Variants in MAGI2 observed in about 807,000 individuals in gnomAD.
The protein encoded by MAGI2 is membrane associated guanylate kinase, WW and PDZ domain containing 2.
MAGI2 carries 35 observed loss-of-function variants against 133.3 expected under a neutral mutation model. The ratio of observed to expected loss-of-function variants is 0.26; its 90% confidence interval spans 0.20 to 0.35. MAGI2 has a LOEUF of 0.35. MAGI2 is among the 10% of genes least tolerant of loss of function. The pLI is 1.00. For synonymous variants in MAGI2, 729 were observed against 710.6 expected (o/e 1.03, Z -0.41); for missense variants, 1,636 against 1,863.4 (o/e 0.88, Z 2.25).
chr7:78,056,539 C>A (rs1249929969), intron 21 of MAGI2, among the ~76,000 whole-genome samples: 3 of 152,230 alleles, frequency 2.0e-5, no homozygotes, highest in East Asian at 1.9e-4. Flanking sequence ...GAGCTGGGAG[C>A]CATTATCCTC....
chr7:79,300,234 A>G lies in MAGI2; in HGVS notation c.301+152786T>C, dbSNP rs1315759968. On this transcript the variant is annotated intron_variant, in intron 1 of 21. Coordinates refer to ENST00000354212, the MANE Select transcript of MAGI2 (RefSeq NM_012301.4). ...TCAGAGGAAGACAAGATGATGAGAGAAAGTTTGATATTTCTTGGAAACTGG... is the reference window on the plus strand; with the variant it reads ...TCAGAGGAAGACAAGATGATGAGAGGAAGTTTGATATTTCTTGGAAACTGG... 2.6e-5 allele frequency among the ~76,000 whole-genome samples: 4 copies of G among 152,170 alleles called. No homozygotes were observed. In the East Asian group the frequency reaches 7.7e-4, roughly 29 times the overall value.
intron 2 of MAGI2, among the ~76,000 whole-genome samples, chr7:78,874,301 A>G (rs1795253451): frequency 6.6e-6 from 1 of 152,106 alleles, no homozygotes; most frequent in African/African-American, 2.4e-5. Context: ...TATTAAGACA[A>G]CAATAATTTA....
intron 9 of MAGI2, among the ~76,000 whole-genome samples, chr7:78,321,375 C>T (rs1412721697): frequency 1.3e-5 from 2 of 152,130 alleles, no homozygotes; most frequent in Non-Finnish European, 2.9e-5. Context: ...AACTATACTA[C>T]GAGGCTACAG....
chr7:78,173,680 GC>G (rs745879527), intron 14 of MAGI2, among the ~76,000 whole-genome samples: 6 of 152,088 alleles, frequency 3.9e-5, no homozygotes, highest in African/African-American at 7.2e-5. Context: ...TAATTATCTG[GC>G]CCTGGTTGAA....
chr7:78,475,217 A>G (rs915258258), intron 6 of MAGI2, among the ~76,000 whole-genome samples: 2 of 152,046 alleles, frequency 1.3e-5, no homozygotes, highest in African/African-American at 4.8e-5. Context: ...AAAGGAAACA[A>G]TAGCAACAGC....
At chr7:78,389,047 A>G (rs577439162) in intron 6 of MAGI2, among the ~76,000 whole-genome samples, 2 of 152,300 alleles carry the variant, frequency 1.3e-5, no homozygotes, top group Admixed American at 6.5e-5. Context: ...GAAAGATAAA[A>G]TCTGTGTTTT....
At chr7:78,471,245 T>C (rs930531066) in intron 6 of MAGI2, among the ~76,000 whole-genome samples, 2 of 152,116 alleles carry the variant, frequency 1.3e-5, no homozygotes, top group Non-Finnish European at 2.9e-5. Context: ...ACAATTAAAG[T>C]GGAGTGAGAC....
At chr7:79,358,442 C>T (rs1842166454) in intron 1 of MAGI2, among the ~76,000 whole-genome samples, 1 of 152,002 alleles carries the variant, frequency 6.6e-6, no homozygotes, top group Non-Finnish European at 1.5e-5. Flanking sequence ...AGCAAGAGTA[C>T]TATACCTCTC....
At chr7:79,394,188 G>A (rs2364913) in intron 1 of MAGI2, among the ~76,000 whole-genome samples, 36,138 of 151,992 alleles carry the variant, frequency 0.24, 5,424 homozygotes, top group African/African-American at 0.41. Flanking sequence ...GACTCTAGAC[G>A]TTGATTCTGA....
At chr7:79,407,529 TTG>T (rs758211556) in intron 1 of MAGI2, among the ~76,000 whole-genome samples, 37 of 152,162 alleles carry the variant, frequency 2.4e-4, no homozygotes, top group Non-Finnish European at 4.1e-4. Flanking sequence ...TGGTGCACTG[TTG>T]TGAATGTAGG....
chr7:79,311,431 C>G (rs1198585321), intron 1 of MAGI2, among the ~76,000 whole-genome samples: 1 of 152,062 alleles, frequency 6.6e-6, no homozygotes, highest in Admixed American at 6.6e-5. Context: ...GGGCTGCATG[C>G]GGGCTGTGGG....
At chr7:79,209,246 T>A (rs993138905) in intron 1 of MAGI2, among the ~76,000 whole-genome samples, 2 of 152,144 alleles carry the variant, frequency 1.3e-5, no homozygotes, top group East Asian at 3.9e-4. Flanking sequence ...CATCCCATAA[T>A]GTGTATATAC....
intron 2 of MAGI2, among the ~76,000 whole-genome samples, chr7:78,739,229 C>T (rs368636380): frequency 9.9e-5 from 15 of 152,246 alleles, no homozygotes; most frequent in African/African-American, 3.6e-4. Flanking sequence ...TTTCTTTTAG[C>T]CATTTCTACA....
intron 2 of MAGI2, among the ~76,000 whole-genome samples, chr7:78,718,408 T>C (rs1009657973): frequency 6.6e-6 from 1 of 152,038 alleles, no homozygotes; most frequent in African/African-American, 2.4e-5. Context: ...GAGTGGCAGG[T>C]GAGTGAGCAA....
chr7:78,135,491 T>C (rs1176823753), intron 16 of MAGI2, among the ~76,000 whole-genome samples: 3 of 152,132 alleles, frequency 2.0e-5, no homozygotes, highest in East Asian at 3.9e-4. Flanking sequence ...AGACAGCTAT[T>C]TGGGCCTTAC....
intron 10 of MAGI2, among the ~76,000 whole-genome samples, chr7:78,208,155 TA>T (rs1554499969): frequency 1.4e-5 from 2 of 145,250 alleles, no homozygotes; most frequent in African/African-American, 2.6e-5. Flanking sequence ...TTTTTTTTTT[TA>T]ATATGGGGAG....
chr7:79,409,997 C>T (rs1403655870), intron 1 of MAGI2: 3 of 151,930 alleles, frequency 2.0e-5, no homozygotes, highest in Admixed American at 6.6e-5. Flanking sequence ...GAATAGAAAT[C>T]ACAATTTTTC....
intron 6 of MAGI2, among the ~76,000 whole-genome samples, chr7:78,375,355 G>A (rs1794340850): frequency 6.6e-6 from 1 of 152,014 alleles, no homozygotes; most frequent in Admixed American, 6.6e-5. Flanking sequence ...TCCTTTCTTG[G>A]GAGGCGGTGT....
intron 7 of MAGI2, chr7:78,359,292 T>C (rs1584996788): frequency 1.3e-5 from 2 of 152,296 alleles, no homozygotes; most frequent in African/African-American, 2.4e-5. Flanking sequence ...GTGGCTGTTA[T>C]AATATGAAAA....
Sources: allele counts gnomAD v4.1 joint callset (sites outside exome capture counted in the v4.1 genomes callset), GRCh38; gene constraint gnomAD v4.1.1; transcripts MANE v1.5; gene names NCBI Gene and HGNC (gene_info 2026-07-23, HGNC 2026-07-21).